Variants in SCYL3 observed in about 807,000 individuals in gnomAD.
The protein encoded by SCYL3 is SCY1 like pseudokinase 3.
In SCYL3, 35 loss-of-function variants were observed where a neutral mutation model predicts 73.8. That is an observed-to-expected ratio of 0.47 (90% CI 0.36 to 0.63). The LOEUF is 0.63. Among genes scored for constraint, SCYL3 ranks in the 20% least tolerant of loss-of-function variants. The pLI is 0.00. For synonymous variants in SCYL3, 277 were observed against 295.2 expected (o/e 0.94, Z 0.63); for missense variants, 712 against 798.9 (o/e 0.89, Z 1.31).
At chr1:169,858,157 GTT>G (rs1220932509) in intron 11 of SCYL3, among the ~76,000 whole-genome samples, 1 of 152,096 alleles carries the variant, frequency 6.6e-6, no homozygotes, top group Non-Finnish European at 1.5e-5. Context: ...GTTTTTAACT[GTT>G]TGACTTTTTT....
intron 7 of SCYL3, 39 bp from the exon 8 acceptor site, chr1:169,867,012 T>C (rs753592131): frequency 8.7e-7 from 1 of 1,148,684 alleles, no homozygotes; most frequent in South Asian, 1.3e-5. Flanking sequence ...CAGAACAGAT[T>C]AGAGAATGTT....
rs58984684 is a variant in SCYL3, at chr1:169,851,045, C to CTTTTTTTTTT, written c.*2658_*2667dup. 1 of 17,312 alleles carries CTTTTTTTTTT rather than the reference C, an allele frequency of 5.8e-5. No individual in the cohort carries two copies. The highest frequency in any genetic ancestry group is 1.0e-4 in the Non-Finnish European group (1 of 9,630). 1.1% of individuals were successfully genotyped at this position (17,312 alleles called of 1,614,324 possible). On this transcript the variant is annotated 3_prime_UTR_variant, in exon 13 of 13. Coordinates refer to ENST00000367771, the MANE Select transcript of SCYL3 (RefSeq NM_020423.7). ...CCCAAGCCAGGGTAAGCTCAGGGCC[C>CTTTTTTTTTT]TTTTTTTTTTTTTTTTTTTTTTTTT...
At chr1:169,879,421 A>G (rs2102193466) in intron 2 of SCYL3, among the ~76,000 whole-genome samples, 1 of 152,328 alleles carries the variant, frequency 6.6e-6, no homozygotes, top group South Asian at 2.1e-4. Flanking sequence ...TCACATACCC[A>G]CAAATTCTCA....
chr1:169,854,626 A>G lies in SCYL3; in HGVS notation c.1651T>C (p.Leu551=). ...ATAGACTCTTCAGTGAGTGAAAGCA[A>G]AGCAGGAATAGGCTTCTGCTCCCCT... ...TSGEQKPIPA[L]LSLTEESMPW... Residue 551 remains leucine (L), a synonymous_variant, in exon 12 of 13, where the codon TTG becomes CTG. Coordinates refer to ENST00000367771, the MANE Select transcript of SCYL3 (RefSeq NM_020423.7). 6.2e-7 allele frequency: 1 copy of G among 1,614,064 alleles called. No individual in the cohort carries two copies. The highest frequency in any genetic ancestry group is 1.7e-5 in the Admixed American group (1 of 59,996).
chr1:169,850,086 G>A lies in SCYL3; in HGVS notation c.*3627C>T, dbSNP rs1657916265. ...TAAAGCTTACAACACTTGTACAGAA[G>A]TTAATTTTGTATTATCCTTAGGGAC... On this transcript the variant is annotated 3_prime_UTR_variant, in exon 13 of 13. Transcript: ENST00000367771. 3 of 585,170 alleles carry A rather than the reference G, an allele frequency of 5.1e-6. No homozygotes were observed. The East Asian group carries it at 8.4e-5, about 16-fold the overall frequency. The allele number at this position is 585,170 out of a possible 1,614,324, so 36.2% of individuals were successfully genotyped here.
At chr1:169,873,566 T>C in intron 5 of SCYL3, 130 bp downstream of exon 5, 3 of 601,728 alleles carry the variant, frequency 5.0e-6, no homozygotes, top group East Asian at 2.9e-5. Context: ...CTTAGAAAGC[T>C]TTAAGGCCAG....
Position 169,852,409 on chromosome 1 carries a change from A to G in SCYL3, c.*1304T>C. On this transcript the variant is annotated 3_prime_UTR_variant, in exon 13 of 13. Coordinates refer to ENST00000367771, the MANE Select transcript of SCYL3 (RefSeq NM_020423.7). ...GCACTATTAGTATAGTAATTAGTAT[A>G]GTAGTAATTCATGAAGAACAACATT... 3.7e-6 allele frequency: 1 copy of G among 269,322 alleles called. No homozygotes were observed. Among genetic ancestry groups the G allele is most frequent in the Non-Finnish European group, 7.1e-6 (1 of 141,240 alleles). 16.7% of individuals were successfully genotyped at this position (269,322 alleles called of 1,614,324 possible). A position where few individuals can be genotyped will look rare whatever the true frequency, so the allele number is the denominator to read the frequency against.
intron 2 of SCYL3, among the ~76,000 whole-genome samples, chr1:169,887,011 G>A (rs540827501): frequency 1.3e-5 from 2 of 152,294 alleles, no homozygotes; most frequent in Admixed American, 1.3e-4. Context: ...TAGTATTTCA[G>A]ATACCTAGGA....
Position 169,850,314 on chromosome 1 carries a change from C to CT in SCYL3, c.*3398dup. ...CCACAGTGTCTCAGTTCTGAAGAAA[C>CT]TAAGAACAAAGTTGTATCCTTTCTG... is the stretch of plus-strand genomic sequence containing the variant. On this transcript the variant is annotated 3_prime_UTR_variant, in exon 13 of 13. Transcript: ENST00000367771. 1 of 1,611,618 alleles carries CT rather than the reference C, an allele frequency of 6.2e-7. No individual in the cohort carries two copies. Among genetic ancestry groups the CT allele is most frequent in the Non-Finnish European group, 8.5e-7 (1 of 1,177,922 alleles).
chr1:169,853,920 C>G, intron 12 of SCYL3, 148 bp from the exon 13 acceptor site: 1 of 849,090 alleles, frequency 1.2e-6, no homozygotes, highest in Non-Finnish European at 1.8e-6. Flanking sequence ...AGAGCTCTAA[C>G]AGAAAGTTGA....
chr1:169,855,778 T>G (rs747946546), intron 11 of SCYL3: 2 of 1,604,604 alleles, frequency 1.2e-6, no homozygotes, highest in Admixed American at 3.4e-5. Context: ...AAAAGCTATA[T>G]AAATTTAATA....
At chr1:169,871,592 T>C (rs1660407650) in intron 5 of SCYL3, among the ~76,000 whole-genome samples, 1 of 152,202 alleles carries the variant, frequency 6.6e-6, no homozygotes, top group South Asian at 2.1e-4. Context: ...TGGAACTGGG[T>C]AACTGGCAAA....
At chr1:169,887,971 T>G (rs3766154) in intron 2 of SCYL3, among the ~76,000 whole-genome samples, 1 of 152,190 alleles carries the variant, frequency 6.6e-6, no homozygotes, top group East Asian at 1.9e-4. Context: ...CAAGTTCAAC[T>G]TGAAAATAGC....
intron 2 of SCYL3, among the ~76,000 whole-genome samples, chr1:169,879,206 G>A (rs1661072228): frequency 6.6e-6 from 1 of 152,202 alleles, no homozygotes; most frequent in Admixed American, 6.5e-5. Flanking sequence ...CATGGGGTAA[G>A]TTTCTTGGTT....
At chr1:169,893,584 C>G (rs1053794995) in intron 1 of SCYL3, among the ~76,000 whole-genome samples, 1 of 152,064 alleles carries the variant, frequency 6.6e-6, no homozygotes, top group Non-Finnish European at 1.5e-5. Context: ...ACAGGGCGCC[C>G]CACAATCAGC....
chr1:169,868,294 TG>T (rs1660175993), intron 7 of SCYL3, among the ~76,000 whole-genome samples: 2 of 152,228 alleles, frequency 1.3e-5, no homozygotes, highest in South Asian at 4.1e-4. Flanking sequence ...AACATAAGGT[TG>T]GCTTTGCTAA....
At chr1:169,863,318 G>A (rs1161489707) in intron 9 of SCYL3, among the ~76,000 whole-genome samples, 1 of 152,170 alleles carries the variant, frequency 6.6e-6, no homozygotes, top group African/African-American at 2.4e-5. Context: ...TAGAGTTTTT[G>A]AAATACTAGA....
intron 10 of SCYL3, chr1:169,859,689 T>C (rs1266587630): frequency 6.6e-6 from 1 of 152,526 alleles, no homozygotes; most frequent in Non-Finnish European, 1.5e-5. Context: ...TCATGATCTT[T>C]TGTCCAGTAA....
chr1:169,850,659 G>A lies in SCYL3; in HGVS notation c.*3054C>T, dbSNP rs1658029694. The A allele has an allele frequency of 4.9e-6, 1 of 206,012 alleles. No homozygotes were observed. The highest frequency in any genetic ancestry group is 2.3e-5 in the African/African-American group (1 of 43,290). The allele number at this position is 206,012 out of a possible 1,614,324, so 12.8% of individuals were successfully genotyped here. A position where few individuals can be genotyped will look rare whatever the true frequency, so the allele number is the denominator to read the frequency against. On this transcript the variant is annotated 3_prime_UTR_variant, in exon 13 of 13. Transcript: ENST00000367771. ...AAAAATACAAAAATTAGCCGGGCAT[G>A]GTGGTACGCGCCTGCAGTCCCAGCT...
Sources: gnomAD v4.1 joint callset for allele counts (sites outside exome capture counted in the v4.1 genomes callset) on GRCh38, gnomAD v4.1.1 for gene constraint, MANE v1.5 for transcripts, NCBI Gene and HGNC (gene_info 2026-07-23, HGNC 2026-07-21) for gene names.